TAB2: variants seen among roughly 807,000 people sequenced by gnomAD.
TAB2 encodes the protein TGF-beta activated kinase 1 (MAP3K7) binding protein 2, also known as TGF-beta-activated kinase 1 and MAP3K7-binding protein 2.
A neutral mutation model predicts 65.0 loss-of-function variants in TAB2; 3 were observed. That is an observed-to-expected ratio of 0.05 (90% CI 0.02 to 0.12). TAB2 has a LOEUF of 0.12. TAB2 is among the 10% of genes least tolerant of loss of function. The probability of loss-of-function intolerance (pLI) is 1.00; values close to 1 mark genes in which losing one functional copy is unlikely to be tolerated. For synonymous variants in TAB2, 298 were observed against 285.1 expected, an observed-to-expected ratio of 1.05 and a Z score of -0.46; for missense variants, 623 against 840.3, an observed-to-expected ratio of 0.74 and a Z score of 3.20.
chr6:149,321,878 T>C (rs1013116443), intron 1 of TAB2, among the ~76,000 whole-genome samples: 3 of 152,166 alleles, frequency 2.0e-5, no homozygotes, highest in Non-Finnish European at 4.4e-5. Flanking sequence ...TTAATTTACA[T>C]ACACCCCCTT....
chr6:149,248,991 C>T (rs927767133), intron 1 of TAB2, among the ~76,000 whole-genome samples: 2 of 152,124 alleles, frequency 1.3e-5, no homozygotes, highest in African/African-American at 2.4e-5. Context: ...AATTACACAG[C>T]AGAGGAGTGA....
intron 3 of TAB2, among the ~76,000 whole-genome samples, chr6:149,387,405 A>T (rs531430798): frequency 3.9e-5 from 6 of 152,308 alleles, no homozygotes; most frequent in African/African-American, 1.4e-4. Context: ...CCCCTGTAAA[A>T]AACCAGTTGA....
chr6:149,350,819 A>G (rs1780466288), intron 1 of TAB2, among the ~76,000 whole-genome samples: 1 of 152,086 alleles, frequency 6.6e-6, no homozygotes. Context: ...AGCAAAACTC[A>G]TAATTATGTA....
chr6:149,343,927 G>A (rs1021800965), intron 1 of TAB2, among the ~76,000 whole-genome samples: 5 of 152,258 alleles, frequency 3.3e-5, no homozygotes, highest in African/African-American at 9.6e-5. Flanking sequence ...AGAGATTACC[G>A]AAAACTGAAG....
intron 6 of TAB2, among the ~76,000 whole-genome samples, chr6:149,407,591 T>C (rs1224077095): frequency 6.6e-6 from 1 of 152,122 alleles, no homozygotes; most frequent in East Asian, 1.9e-4. Context: ...GAATCAATAA[T>C]TTTTTGCAAT....
intron 1 of TAB2, among the ~76,000 whole-genome samples, chr6:149,288,944 A>G (rs4895784): frequency 0.23 from 33,431 of 144,260 alleles, 3,981 homozygotes; most frequent in East Asian, 0.44. Context: ...TGCAACCTCC[A>G]TCGCCTGGGT....
intron 1 of TAB2, chr6:149,291,454 T>C (rs1405284850): frequency 1.3e-5 from 2 of 152,208 alleles, no homozygotes; most frequent in Non-Finnish European, 2.9e-5. Flanking sequence ...TCTAAACCGA[T>C]CAGGTGTCTG....
intron 3 of TAB2, chr6:149,380,130 C>T (rs1423120820): frequency 2.8e-5 from 8 of 285,490 alleles, no homozygotes; most frequent in Admixed American, 4.9e-5. Context: ...GTCCCAGTTA[C>T]TCAGTAGACT....
In TAB2 at chr6:149,283,034, C is replaced by G. The variant is rs2114687188; in HGVS notation, c.-121+64258C>G. The stretch of plus-strand genomic sequence containing the variant: ...TTTCCTTAATTTTAAAAAAGATTCA[C>G]AAGTGGCTAACTAGAAAGAGTGATT... On this transcript the variant is annotated intron_variant, in intron 1 of 1. Transcript: ENST00000606202. 4.6e-5 allele frequency among the ~76,000 whole-genome samples: 7 copies of G among 152,274 alleles called. 1 individual carries two copies. The South Asian group carries it at 1.5e-3, about 32-fold the overall frequency.
chr6:149,270,271 C>T (rs1778334773), intron 1 of TAB2, among the ~76,000 whole-genome samples: 1 of 152,172 alleles, frequency 6.6e-6, no homozygotes, highest in Admixed American at 6.5e-5. Context: ...TTCTTCTGCT[C>T]ATTTTTTAAC....
At chr6:149,312,304 C>G (rs924434734) in intron 1 of TAB2, among the ~76,000 whole-genome samples, 5 of 152,172 alleles carry the variant, frequency 3.3e-5, no homozygotes, top group African/African-American at 1.2e-4. Flanking sequence ...ATGAATGATG[C>G]TCTTCCTTCA....
chr6:149,373,162 A>G (rs1781285613), intron 2 of TAB2, among the ~76,000 whole-genome samples: 1 of 152,214 alleles, frequency 6.6e-6, no homozygotes, highest in South Asian at 2.1e-4. Flanking sequence ...TGTAATTTAT[A>G]TCTTTAAAGT....
At chr6:149,247,302 CCAGA>C (rs1777742085) in intron 1 of TAB2, 1 of 152,314 alleles carries the variant, frequency 6.6e-6, no homozygotes, top group Admixed American at 6.5e-5. Context: ...CTGCCATGAA[CCAGA>C]CACTGTTCCA....
intron 2 of TAB2, among the ~76,000 whole-genome samples, chr6:149,373,944 C>T (rs767184346): frequency 2.0e-5 from 3 of 152,030 alleles, no homozygotes; most frequent in Non-Finnish European, 2.9e-5. Context: ...TGTCGTATAC[C>T]GAGGAGCCAA....
intron 1 of TAB2, among the ~76,000 whole-genome samples, chr6:149,353,299 C>A (rs1780550935): frequency 6.6e-6 from 1 of 152,194 alleles, no homozygotes; most frequent in East Asian, 1.9e-4. Flanking sequence ...CTTCCCCTTA[C>A]TTCTCTCTTT....
chr6:149,224,703 G>A (rs886373236), intron 1 of TAB2, among the ~76,000 whole-genome samples: 3 of 152,296 alleles, frequency 2.0e-5, no homozygotes, highest in East Asian at 1.9e-4. Flanking sequence ...AAGAGCAACA[G>A]GAAGAAACCA....
At position 149,411,349 on chromosome 6, in the gene TAB2, A is replaced by G. The variant is rs576193131; in HGVS notation, c.*1630A>G. The G allele has an allele frequency of 3.3e-5, 5 of 152,688 alleles. No individual in the cohort carries two copies. Among genetic ancestry groups the G allele is most frequent in the Admixed American group, 6.5e-5 (1 of 15,304 alleles). The allele number at this position is 152,688 out of a possible 1,614,324, so 9.5% of individuals were successfully genotyped here. On this transcript the variant is annotated 3_prime_UTR_variant, in exon 7 of 7. Transcript: ENST00000637181. ...AACTTTCAGGCTTTGCATTTTGTAT[A>G]TGGGAAGAAATATGACAATCCTAGG...
intron 5 of TAB2, among the ~76,000 whole-genome samples, chr6:149,398,892 A>T (rs1224764939): frequency 6.6e-6 from 1 of 152,112 alleles, no homozygotes; most frequent in Admixed American, 6.5e-5. Context: ...ACAGTTTACC[A>T]CTTACCCGTG....
chr6:149,376,781 A>C (rs1174877558), intron 2 of TAB2, among the ~76,000 whole-genome samples: 1 of 152,186 alleles, frequency 6.6e-6, no homozygotes, highest in Non-Finnish European at 1.5e-5. Flanking sequence ...CCACAGGCTC[A>C]CAGTGCTATG....
Sources: gnomAD v4.1 joint callset for allele counts (sites outside exome capture counted in the v4.1 genomes callset) on GRCh38, gnomAD v4.1.1 for gene constraint, MANE v1.5 for transcripts, NCBI Gene and HGNC (gene_info 2026-07-23, HGNC 2026-07-21) for gene names.